PRR14L: variants seen among roughly 807,000 people sequenced by gnomAD.
PRR14L encodes proline rich 14 like.
Under a neutral mutation model 155.0 loss-of-function variants are expected in PRR14L, and 80 were observed. The ratio of observed to expected loss-of-function variants is 0.52; its 90% CI spans 0.43 to 0.62. The LOEUF (loss-of-function observed/expected upper bound fraction) is 0.62, where lower values mean the gene tolerates loss of function less well. Ranked by LOEUF, PRR14L falls within the 20% of genes least tolerant of loss-of-function variation. The probability of loss-of-function intolerance (pLI) is 0.00; values close to 1 mark genes in which losing one functional copy is unlikely to be tolerated. For missense variants in PRR14L, 2,469 were observed against 2,548.0 expected (o/e 0.97, Z 0.67); for synonymous variants, 883 against 916.0 (o/e 0.96, Z 0.65).
chr22:31,736,956 C>T (rs116345272), intron 2 of PRR14L, among the ~76,000 whole-genome samples: 2,207 of 144,222 alleles, frequency 0.015, 56 homozygotes, highest in African/African-American at 0.054. Flanking sequence ...GCGAATTGCT[C>T]GATCCCAGGA....
chr22:31,692,466 T>G (rs138486348), intron 7 of PRR14L, among the ~76,000 whole-genome samples: 81 of 152,346 alleles, frequency 5.3e-4, no homozygotes, highest in Non-Finnish European at 9.7e-4. Context: ...TTGTCTATCT[T>G]CTTTGGAGAA....
chr22:31,703,314 T>C (rs1292885593), intron 6 of PRR14L, among the ~76,000 whole-genome samples: 6 of 152,200 alleles, frequency 3.9e-5, no homozygotes, highest in Non-Finnish European at 7.3e-5. Context: ...TAAACACTGT[T>C]ACATGCTGTT....
At position 31,717,324 on chromosome 22, in the gene PRR14L, C is replaced by T. The variant is rs577149461; in HGVS notation, c.548-33G>A. 3.2e-5 allele frequency: 47 copies of T among 1,475,676 alleles called. No homozygotes were observed. The African/African-American group carries it at 6.3e-4, about 20-fold the overall frequency. 91.4% of individuals were successfully genotyped at this position (1,475,676 alleles called of 1,614,324 possible). The stretch of plus-strand genomic sequence containing the variant: ...AGAGAAATAAATCCAAATTAATATG[C>T]AGTAATAAAAAATCACTTGGTCTAC... On this transcript the variant is annotated intron_variant, in intron 3 of 8. Transcript: ENST00000327423.
intron 4 of PRR14L, among the ~76,000 whole-genome samples, chr22:31,709,533 G>GT (rs35320368): frequency 0.08 from 7,047 of 88,636 alleles, 1,219 homozygotes; most frequent in Non-Finnish European, 0.12. Flanking sequence ...CGCCTGTGGG[G>GT]TTTTTTTTTT....
chr22:31,688,364 C>G, intron 7 of PRR14L, 137 bp from the exon 8 acceptor site: 1 of 1,144,876 alleles, frequency 8.7e-7, no homozygotes, highest in African/African-American at 1.6e-5. Flanking sequence ...TAGCCATCCT[C>G]CAGCCTCAGC....
Position 31,685,249 on chromosome 22 carries a change from A to T in PRR14L, c.*278T>A, listed in dbSNP as rs555168419. On this transcript the variant is annotated 3_prime_UTR_variant, in exon 9 of 9. Coordinates refer to ENST00000327423, the MANE Select transcript of PRR14L (RefSeq NM_173566.3). ...CTCCTGTGGATGGCAGAGACTGAGG[A>T]GGTGGCTGGATGTCGTTCAGGTCCA... 6 of 333,890 alleles carry T rather than the reference A, an allele frequency of 1.8e-5. No homozygotes were observed. The highest frequency in any genetic ancestry group is 5.6e-5 in the South Asian group (1 of 17,922). The allele number at this position is 333,890 out of a possible 1,614,324, so 20.7% of individuals were successfully genotyped here. A position where few individuals can be genotyped will look rare whatever the true frequency, so the allele number is the denominator to read the frequency against.
At chr22:31,737,121 C>T (rs1035510044) in intron 2 of PRR14L, among the ~76,000 whole-genome samples, 1 of 150,394 alleles carries the variant, frequency 6.6e-6, no homozygotes, top group Non-Finnish European at 1.5e-5. Context: ...AAAAAATTTG[C>T]TGACCCCTGG....
At chr22:31,703,757 T>C in intron 5 of PRR14L, 36 bp from the exon 6 acceptor site, 2 of 1,248,614 alleles carry the variant, frequency 1.6e-6, no homozygotes, top group Non-Finnish European at 2.2e-6. Flanking sequence ...ATGAGAGGGG[T>C]TCCCTTTCTA....
intron 3 of PRR14L, among the ~76,000 whole-genome samples, chr22:31,721,225 C>A (rs1390050146): frequency 6.6e-6 from 1 of 152,200 alleles, no homozygotes; most frequent in Non-Finnish European, 1.5e-5. Context: ...ACTGCTCCCC[C>A]AGGTCCACTT....
chr22:31,716,697 TAAG>T lies in PRR14L; in HGVS notation c.1139_1141del (p.Ser380del). 6.4e-7 allele frequency: 1 copy of T among 1,551,678 alleles called. No individual in the cohort carries two copies. Among genetic ancestry groups the T allele is most frequent in the Non-Finnish European group, 8.7e-7 (1 of 1,146,988 alleles). On this transcript the variant is annotated inframe_deletion, in exon 4 of 9. Coordinates refer to ENST00000327423, the MANE Select transcript of PRR14L (RefSeq NM_173566.3). ...CCCTTGATCATCCCCCCTATAAAAA[TAAG>T]AACTGTCTGTCTTTTCAGCAGATCT...
At chr22:31,718,400 C>T (rs140383832) in intron 3 of PRR14L, among the ~76,000 whole-genome samples, 1,600 of 152,144 alleles carry the variant, frequency 0.011, 30 homozygotes, top group African/African-American at 0.035. Context: ...GGACTACAGA[C>T]GCCCACCACC....
At chr22:31,701,614 T>C (rs776425416) in intron 7 of PRR14L, 42 bp downstream of exon 7, 1 of 1,299,986 alleles carries the variant, frequency 7.7e-7, no homozygotes, top group South Asian at 1.3e-5. Flanking sequence ...CAAACAATTT[T>C]CCAAAAAAGT....
chr22:31,735,238 G>C (rs1429541576), intron 2 of PRR14L, among the ~76,000 whole-genome samples: 1 of 152,164 alleles, frequency 6.6e-6, no homozygotes, highest in Non-Finnish European at 1.5e-5. Context: ...AGGAGATCGA[G>C]ACCATCCTGG....
Position 31,716,599 on chromosome 22 carries a change from G to A in PRR14L, c.1240C>T (p.Leu414Phe). Residue 414 changes from leucine (L) to phenylalanine (F), a missense_variant, in exon 4 of 9, where the codon CTT becomes TTT. Leu to Phe is a conservative substitution (Grantham distance 22). Around this residue, in one of 2 missense-constraint regions of PRR14L, gnomAD observed 2,363 missense variants for 2,371.6 expected, o/e 1.00. Transcript: ENST00000327423. ...TTTTCTGGTTCCCTGGCATTAAAAA[G>A]AAAAGGTCCACCTCTTTCACTCCTA... ...IPRSERGGPFLFNAREPEKEI... is the reference protein window; with the variant it reads ...IPRSERGGPFFFNAREPEKEI... The A allele has an allele frequency of 6.4e-7, 1 of 1,550,654 alleles. No homozygotes were observed. Among genetic ancestry groups the A allele is most frequent in the Non-Finnish European group, 8.7e-7 (1 of 1,146,738 alleles).
intron 3 of PRR14L, 75 bp from the exon 4 acceptor site, chr22:31,717,366 ATGCTATGC>A (rs1369802538): frequency 9.2e-6 from 11 of 1,190,428 alleles, no homozygotes; most frequent in African/African-American, 3.1e-5. Context: ...GCATTTTATT[ATGCTATGC>A]TACCAAGGGC....
chr22:31,709,217 A>T (rs1353996699), intron 4 of PRR14L, among the ~76,000 whole-genome samples: 1 of 150,810 alleles, frequency 6.6e-6, no homozygotes, highest in Non-Finnish European at 1.5e-5. Context: ...TGCTGGGATT[A>T]CAAGCATGCG....
At chr22:31,704,778 G>A (rs764686414) in intron 4 of PRR14L, 52 bp from the exon 5 acceptor site, 5 of 1,425,052 alleles carry the variant, frequency 3.5e-6, no homozygotes, top group Middle Eastern at 1.8e-4. Context: ...TGGGATAACA[G>A]GAAAGGTTTT....
chr22:31,727,149 C>T (rs374880400), intron 2 of PRR14L, among the ~76,000 whole-genome samples: 10 of 152,074 alleles, frequency 6.6e-5, no homozygotes, highest in Non-Finnish European at 1.0e-4. Context: ...TCTAAGGTGC[C>T]GCTAGCTGGA....
chr22:31,720,521 T>A (rs938283914), intron 3 of PRR14L, among the ~76,000 whole-genome samples: 1 of 152,038 alleles, frequency 6.6e-6, no homozygotes, highest in Non-Finnish European at 1.5e-5. Context: ...TCACTTGAGA[T>A]CAGGAGTTCA....
Sources: gnomAD v4.1 joint callset for allele counts (sites outside exome capture counted in the v4.1 genomes callset) on GRCh38, gnomAD v4.1.1 for gene constraint, gnomAD v4.1.1 regional missense constraint, MANE v1.5 for transcripts, NCBI Gene and HGNC (gene_info 2026-07-23, HGNC 2026-07-21) for gene names.